ALDH1L1: variants seen among roughly 807,000 people sequenced by gnomAD.
ALDH1L1 encodes the protein aldehyde dehydrogenase 1 family member L1, also known as cytosolic 10-formyltetrahydrofolate dehydrogenase.
Under a neutral mutation model 101.1 loss-of-function variants are expected in ALDH1L1, and 68 were observed. The ratio of observed to expected loss-of-function variants is 0.67; its 90% confidence interval spans 0.55 to 0.82. The LOEUF (loss-of-function observed/expected upper bound fraction) is 0.82, where lower values mean the gene tolerates loss of function less well. Ranked by LOEUF, ALDH1L1 falls within the 40% of genes least tolerant of loss-of-function variation. ALDH1L1 has a pLI of 0.00. For synonymous variants in ALDH1L1, 486 were observed against 470.8 expected, an observed-to-expected ratio of 1.03 and a Z score of -0.42; for missense variants, 1,087 against 1,172.7, an observed-to-expected ratio of 0.93 and a Z score of 1.07.
intron 8 of ALDH1L1, among the ~76,000 whole-genome samples, chr3:126,149,930 A>G (rs994287712): frequency 6.6e-6 from 1 of 152,222 alleles, no homozygotes; most frequent in African/African-American, 2.4e-5. Context: ...ATTCATGTTG[A>G]GAAGACTGAG....
intron 1 of ALDH1L1, among the ~76,000 whole-genome samples, chr3:126,186,680 A>G (rs1412322341): frequency 1.3e-5 from 2 of 152,108 alleles, no homozygotes; most frequent in African/African-American, 2.4e-5. Context: ...CCAATGGCTA[A>G]GTCTCTGCAA....
intron 1 of ALDH1L1, among the ~76,000 whole-genome samples, chr3:126,188,160 T>A (rs1386183426): frequency 6.6e-6 from 1 of 152,228 alleles, no homozygotes; most frequent in African/African-American, 2.4e-5. Flanking sequence ...GAGTATACAT[T>A]TGATCCTTGG....
chr3:126,144,604 C>T (rs1034919043), intron 9 of ALDH1L1, among the ~76,000 whole-genome samples: 14 of 152,136 alleles, frequency 9.2e-5, no homozygotes, highest in African/African-American at 3.4e-4. Context: ...AATGGGGAAG[C>T]GATAGTCCCT....
chr3:126,125,982 T>C (rs2080174543), intron 14 of ALDH1L1, among the ~76,000 whole-genome samples: 1 of 152,120 alleles, frequency 6.6e-6, no homozygotes, highest in Non-Finnish European at 1.5e-5. Flanking sequence ...TGATGGAAGC[T>C]GTGGAACTGT....
chr3:126,197,935 A>G (rs1968629), exon 1 of ALDH1L1: 66,557 of 148,192 alleles, frequency 0.45, 14,801 homozygotes, highest in East Asian at 0.52. Context: ...GGACAGAACA[A>G]ATTTATAGAC....
At chr3:126,164,836 C>G (rs962922369) in intron 1 of ALDH1L1, among the ~76,000 whole-genome samples, 1 of 152,186 alleles carries the variant, frequency 6.6e-6, no homozygotes, top group Non-Finnish European at 1.5e-5. Context: ...AATTTACATT[C>G]CCACCAACAG....
chr3:126,166,426 A>G (rs1399789581), intron 1 of ALDH1L1, among the ~76,000 whole-genome samples: 1 of 152,218 alleles, frequency 6.6e-6, no homozygotes, highest in Non-Finnish European at 1.5e-5. Flanking sequence ...CTTTAATAAA[A>G]AAGAGTGCTC....
intron 4 of ALDH1L1, among the ~76,000 whole-genome samples, chr3:126,157,130 G>A (rs751465641): frequency 1.3e-5 from 2 of 152,254 alleles, no homozygotes; most frequent in Admixed American, 6.5e-5. Flanking sequence ...TTTTGAGCTG[G>A]GTTCTGTCCG....
At chr3:126,127,678 T>G (rs1049266592) in intron 14 of ALDH1L1, among the ~76,000 whole-genome samples, 2 of 152,098 alleles carry the variant, frequency 1.3e-5, no homozygotes, top group African/African-American at 4.8e-5. Flanking sequence ...ACTGCTGAGG[T>G]TGCGGTGGCA....
intron 10 of ALDH1L1, 27 bp downstream of exon 10, chr3:126,137,786 C>T (rs1265378848): frequency 6.2e-7 from 1 of 1,609,276 alleles, no homozygotes; most frequent in East Asian, 2.2e-5. Context: ...TCTGCAGGGC[C>T]TGCTGCAGGG....
rs1366124325 is a variant in ALDH1L1 at position 126,105,748 on chromosome 3, C to A, written c.2631G>T (p.Gln877His). 1.9e-6 allele frequency: 3 copies of A among 1,614,226 alleles called. No individual in the cohort carries two copies. In the East Asian group the frequency reaches 6.7e-5, roughly 36 times the overall value. The change falls in exon 22 of 23, where the codon CAG (glutamine) becomes CAT (histidine). Residue 877 changes from glutamine (Q) to histidine (H), a missense_variant. Coordinates refer to ENST00000393434, the MANE Select transcript of ALDH1L1 (RefSeq NM_012190.4). ...DVAAPFGGFK[Q>H]SGFGKDLGEA... ...TACCTAGATCTTTGCCAAATCCAGA[C>A]TGTTTGAATCCTCCGAAGGGAGCGG...
chr3:126,172,293 C>T (rs2081293300), intron 1 of ALDH1L1, among the ~76,000 whole-genome samples: 1 of 151,564 alleles, frequency 6.6e-6, no homozygotes, highest in South Asian at 2.1e-4. Context: ...AAATTTAAAA[C>T]AATGATAATT....
At chr3:126,162,409 C>T (rs2081078400) in intron 1 of ALDH1L1, among the ~76,000 whole-genome samples, 1 of 152,176 alleles carries the variant, frequency 6.6e-6, no homozygotes, top group Non-Finnish European at 1.5e-5. Context: ...ATTTGCAATT[C>T]CCTGATGACC....
At chr3:126,194,171 A>C (rs1416245882) in intron 1 of ALDH1L1, among the ~76,000 whole-genome samples, 1 of 152,248 alleles carries the variant, frequency 6.6e-6, no homozygotes. Flanking sequence ...TTAACATAAT[A>C]ACCATAATTA....
At chr3:126,183,884 G>A (rs1010466773), upstream of ALDH1L1, among the ~76,000 whole-genome samples, 2 of 152,202 alleles carry the variant, frequency 1.3e-5, no homozygotes, top group Admixed American at 6.5e-5. Context: ...TCTACAGTGG[G>A]ATGAGGCTTT....
Position 126,155,498 on chromosome 3 carries a change from C to A in ALDH1L1, c.534G>T (p.Gln178His). The change falls in exon 5 of 23, where the codon CAG (glutamine) becomes CAT (histidine). Residue 178 changes from glutamine (Q) to histidine (H), a missense_variant. Physicochemically the swap from Gln to His is conservative, Grantham distance 24. Transcript: ENST00000393434. ...LFPEGIKGMV[Q>H]AVRLIAEGKA... ...TGCCCTCAGCGATCAGCCTCACGGC[C>A]TGCACCTGGGGAGATCCAGTGGGTT... is the stretch of plus-strand genomic sequence containing the variant. 1 of 1,611,138 alleles carries A rather than the reference C, an allele frequency of 6.2e-7. No homozygotes were observed. Among genetic ancestry groups the A allele is most frequent in the Non-Finnish European group, 8.5e-7 (1 of 1,178,850 alleles).
At chr3:126,114,234 G>T (rs1380999353) in intron 18 of ALDH1L1, among the ~76,000 whole-genome samples, 1 of 152,220 alleles carries the variant, frequency 6.6e-6, no homozygotes, top group East Asian at 1.9e-4. Context: ...AGAAAAGGCT[G>T]CAATGTTTAT....
chr3:126,160,755 T>A, intron 2 of ALDH1L1, 98 bp downstream of exon 2: 1 of 1,537,640 alleles, frequency 6.5e-7, no homozygotes, highest in African/African-American at 1.4e-5. Flanking sequence ...GCACAGGCCC[T>A]GCAGACTTCT....
intron 4 of ALDH1L1, 32 bp downstream of exon 4, chr3:126,157,311 C>T (rs199660757): frequency 5.1e-5 from 81 of 1,591,084 alleles, no homozygotes; most frequent in African/African-American, 3.8e-4. Context: ...TGCGTCGGGG[C>T]GGGCAGGGCG....
Sources: allele counts gnomAD v4.1 joint callset (sites outside exome capture counted in the v4.1 genomes callset), GRCh38; gene constraint gnomAD v4.1.1; transcripts MANE v1.5; gene names NCBI Gene and HGNC (gene_info 2026-07-23, HGNC 2026-07-21).